CDK8: variants seen among roughly 807,000 people sequenced by gnomAD.
The protein encoded by CDK8 is cyclin-dependent kinase 8.
A neutral mutation model predicts 71.5 loss-of-function variants in CDK8; 29 were observed. The observed-to-expected ratio is 0.41, with a 90% confidence interval of 0.30 to 0.55. CDK8 has a LOEUF of 0.55. CDK8 is among the 20% of genes least tolerant of loss of function. The probability of loss-of-function intolerance (pLI) is 0.37; values close to 1 mark genes in which losing one functional copy is unlikely to be tolerated. For synonymous variants in CDK8, 161 were observed against 192.1 expected, an observed-to-expected ratio of 0.84 and a Z score of 1.34; for missense variants, 288 against 572.6, an observed-to-expected ratio of 0.50 and a Z score of 5.07.
intron 1 of CDK8, among the ~76,000 whole-genome samples, chr13:26,314,419 C>T (rs1019280983): frequency 3.3e-5 from 5 of 152,158 alleles, no homozygotes; most frequent in Admixed American, 6.5e-5. Flanking sequence ...TTAACTGTAG[C>T]TATGGCTAAT....
chr13:26,339,580 A>G (rs1405773720), intron 2 of CDK8, among the ~76,000 whole-genome samples: 1 of 148,298 alleles, frequency 6.7e-6, no homozygotes, highest in Non-Finnish European at 1.5e-5. Context: ...ATAAATTTTT[A>G]CATCAGCTAA....
chr13:26,275,023 C>G (rs185083544), intron 1 of CDK8, among the ~76,000 whole-genome samples: 1 of 152,046 alleles, frequency 6.6e-6, no homozygotes, highest in Admixed American at 6.5e-5. Context: ...TTTTTCTACT[C>G]CTTTTAATGC....
intron 1 of CDK8, among the ~76,000 whole-genome samples, chr13:26,287,715 T>C (rs578197050): frequency 7.3e-4 from 111 of 152,164 alleles, no homozygotes; most frequent in Admixed American, 1.4e-3. Flanking sequence ...CTCAAAGCTA[T>C]TGAAGTAAAA....
chr13:26,362,258 G>C (rs1051949037), intron 4 of CDK8, among the ~76,000 whole-genome samples: 3 of 151,500 alleles, frequency 2.0e-5, no homozygotes, highest in African/African-American at 7.3e-5. Flanking sequence ...ATGGATGGAT[G>C]GATGGATGGA....
chr13:26,315,209 C>T (rs1874453879), intron 1 of CDK8, among the ~76,000 whole-genome samples: 1 of 152,220 alleles, frequency 6.6e-6, no homozygotes, highest in Middle Eastern at 3.4e-3. Flanking sequence ...TTTTTCACCT[C>T]TAATTTTTTA....
intron 4 of CDK8, among the ~76,000 whole-genome samples, chr13:26,377,207 AG>A (rs1045895078): frequency 2.6e-5 from 4 of 152,234 alleles, no homozygotes; most frequent in Non-Finnish European, 5.9e-5. Context: ...ATCCCCCAAC[AG>A]GGGGTGCAGC....
intron 1 of CDK8, among the ~76,000 whole-genome samples, chr13:26,336,796 T>C (rs527355934): frequency 1.1e-4 from 17 of 152,070 alleles, no homozygotes; most frequent in Non-Finnish European, 1.8e-4. Flanking sequence ...CCTCGTGATC[T>C]GCCTGCCTTG....
At position 26,306,642 on chromosome 13, in the gene CDK8, T is replaced by C. The variant is rs79913266; in HGVS notation, c.129-30925T>C. 4.0e-3 allele frequency among the ~76,000 whole-genome samples: 568 copies of C among 140,640 alleles called. 11 individuals are homozygous for C. The highest frequency in any genetic ancestry group is 0.022 in the Admixed American group (326 of 14,566). 92.3% of individuals were successfully genotyped at this position (140,640 alleles called of 152,430 possible). A position where few individuals can be genotyped will look rare whatever the true frequency, so the allele number is the denominator to read the frequency against. ...TTGCTCTTTTTTTTTTTTTTTTTTT[T>C]CCTTGAGATGGAGTCTCATTCTGTC... On this transcript the variant is annotated intron_variant, in intron 1 of 12. Transcript: ENST00000381527.
chr13:26,295,957 A>G (rs557345622), intron 1 of CDK8, among the ~76,000 whole-genome samples: 1 of 152,134 alleles, frequency 6.6e-6, no homozygotes, highest in South Asian at 2.1e-4. Context: ...ATTTGACTGG[A>G]CAGTGGCTGT....
chr13:26,330,093 A>C (rs991855637), intron 1 of CDK8, among the ~76,000 whole-genome samples: 1 of 152,192 alleles, frequency 6.6e-6, no homozygotes, highest in African/African-American at 2.4e-5. Context: ...CATTTGTTAC[A>C]TGTATATAAT....
intron 1 of CDK8, among the ~76,000 whole-genome samples, chr13:26,310,993 C>G (rs143480220): frequency 6.6e-6 from 1 of 151,012 alleles, no homozygotes; most frequent in East Asian, 2.0e-4. Context: ...TTTTCCTGTT[C>G]GCTATGCTTC....
intron 6 of CDK8, 55 bp downstream of exon 6, chr13:26,385,397 C>T: frequency 1.4e-6 from 2 of 1,390,038 alleles, no homozygotes; most frequent in African/African-American, 2.9e-5. Context: ...TTAAAAGACA[C>T]ACATTCCTAT....
intron 1 of CDK8, among the ~76,000 whole-genome samples, chr13:26,305,732 A>C (rs1264613292): frequency 6.6e-6 from 1 of 152,130 alleles, no homozygotes; most frequent in Non-Finnish European, 1.5e-5. Context: ...ATTTGCTTTT[A>C]AACCTGTCAG....
chr13:26,281,620 C>CAATG, intron 1 of CDK8, among the ~76,000 whole-genome samples: 1 of 147,166 alleles, frequency 6.8e-6, no homozygotes, highest in Non-Finnish European at 1.5e-5. Flanking sequence ...AGCTCCCCAG[C>CAATG]AATGGGTCCA....
intron 12 of CDK8, 112 bp from the exon 13 acceptor site, chr13:26,403,844 A>T: frequency 5.2e-6 from 7 of 1,345,108 alleles, no homozygotes; most frequent in Non-Finnish European, 7.2e-6. Context: ...TACATAGCAC[A>T]AAACCTATAC....
intron 4 of CDK8, among the ~76,000 whole-genome samples, chr13:26,371,008 G>C (rs1009036511): frequency 6.6e-6 from 1 of 151,856 alleles, no homozygotes; most frequent in African/African-American, 2.4e-5. Context: ...GTGATCATAG[G>C]CAATTAGGGG....
chr13:26,400,901 T>C (rs913168815), intron 10 of CDK8, among the ~76,000 whole-genome samples: 1 of 152,178 alleles, frequency 6.6e-6, no homozygotes, highest in Non-Finnish European at 1.5e-5. Context: ...TACCATCTTT[T>C]GTTTTGTTAA....
At chr13:26,264,887 G>A (rs1250103995) in intron 1 of CDK8, among the ~76,000 whole-genome samples, 2 of 152,028 alleles carry the variant, frequency 1.3e-5, no homozygotes, top group Admixed American at 6.6e-5. Flanking sequence ...TTCCATTCAC[G>A]TTGCTGCAAA....
Position 26,394,820 on chromosome 13 carries a change from T to C in CDK8, c.790+1310T>C, listed in dbSNP as rs531821042. ...TCTTGAGTACTAGAGACATGCTTTATGTTGCATTTTAGAAAGATTTAGTAA... is the reference window on the plus strand; with the variant it reads ...TCTTGAGTACTAGAGACATGCTTTACGTTGCATTTTAGAAAGATTTAGTAA... On this transcript the variant is annotated intron_variant, in intron 7 of 12. Coordinates refer to ENST00000381527, the MANE Select transcript of CDK8 (RefSeq NM_001260.3). Among the ~76,000 whole-genome samples, 123 of 152,338 alleles carry C rather than the reference T, an allele frequency of 8.1e-4. 1 individual carries two copies. The highest frequency in any genetic ancestry group is 1.2e-3 in the Non-Finnish European group (79 of 68,032).
Sources: gnomAD v4.1 joint callset for allele counts (sites outside exome capture counted in the v4.1 genomes callset) on GRCh38, gnomAD v4.1.1 for gene constraint, MANE v1.5 for transcripts, NCBI Gene and HGNC (gene_info 2026-07-23, HGNC 2026-07-21) for gene names.